The following SMOC2 variants were observed in gnomAD, a reference collection of about 807,000 sequenced individuals.
The protein encoded by SMOC2 is SPARC related modular calcium binding 2.
A neutral mutation model predicts 61.4 loss-of-function variants in SMOC2; 39 were observed. The ratio of observed to expected loss-of-function variants is 0.64; its 90% CI spans 0.49 to 0.83. The LOEUF (loss-of-function observed/expected upper bound fraction) is 0.83, where lower values mean the gene tolerates loss of function less well. Ranked by LOEUF, SMOC2 falls within the 40% of genes least tolerant of loss-of-function variation. The pLI, the probability that SMOC2 is intolerant of heterozygous loss-of-function variation, is 0.00. For missense variants in SMOC2, 556 were observed against 592.9 expected, an observed-to-expected ratio of 0.94 and a Z score of 0.65; for synonymous variants, 247 against 239.9, an observed-to-expected ratio of 1.03 and a Z score of -0.27.
At chr6:168,602,355 T>C (rs1476909679) in intron 8 of SMOC2, among the ~76,000 whole-genome samples, 4 of 152,220 alleles carry the variant, frequency 2.6e-5, no homozygotes, top group African/African-American at 9.6e-5. Flanking sequence ...TGCCGTCTTC[T>C]TCTTCCTGGT....
chr6:168,526,461 C>T lies in SMOC2; in HGVS notation c.363+9C>T, dbSNP rs763130799. The T allele has an allele frequency of 7.4e-6, 12 of 1,612,170 alleles. No homozygotes were observed. The highest frequency in any genetic ancestry group is 9.3e-6 in the Non-Finnish European group (11 of 1,178,450). On this transcript the variant is annotated intron_variant, in intron 3 of 12. Coordinates refer to ENST00000356284, the MANE Select transcript of SMOC2 (RefSeq NM_001166412.2). ...ACGGCACCTACAGTCAGGTTACCGGCCTTGCTTGGGAGGTTCTGCACCTGT... is the reference window on the plus strand; with the variant it reads ...ACGGCACCTACAGTCAGGTTACCGGTCTTGCTTGGGAGGTTCTGCACCTGT...
At chr6:168,540,277 C>T (rs1435120620) in intron 4 of SMOC2, among the ~76,000 whole-genome samples, 1 of 152,214 alleles carries the variant, frequency 6.6e-6, no homozygotes, top group Non-Finnish European at 1.5e-5. Context: ...CATTTGGTGC[C>T]CTCCTAGAGG....
intron 9 of SMOC2, among the ~76,000 whole-genome samples, chr6:168,633,483 C>G (rs567611969): frequency 2.6e-5 from 4 of 152,136 alleles, no homozygotes; most frequent in African/African-American, 4.8e-5. Context: ...AGGCCCTTGG[C>G]TCTCATGCAC....
Position 168,632,697 on chromosome 6 carries a change from G to A in SMOC2, c.908-17984G>A, listed in dbSNP as rs193233774. Among the ~76,000 whole-genome samples, 93 of 152,304 alleles carry A rather than the reference G, an allele frequency of 6.1e-4. No homozygotes were observed. In the Middle Eastern group the frequency reaches 0.01, roughly 17 times the overall value. On this transcript the variant is annotated intron_variant, in intron 9 of 12. Coordinates refer to ENST00000356284, the MANE Select transcript of SMOC2 (RefSeq NM_001166412.2). The stretch of plus-strand genomic sequence containing the variant: ...CTATCCTTGTGTTTATGCAATTTCT[G>A]TTTGATATACAGATGGTTAATGTCC...
At chr6:168,543,782 C>A in intron 5 of SMOC2, 110 bp downstream of exon 5, 1 of 1,007,396 alleles carries the variant, frequency 9.9e-7, no homozygotes, top group South Asian at 1.5e-5. Flanking sequence ...TGATGAGAGC[C>A]GAACCAGTTT....
chr6:168,505,574 C>T (rs955024663), intron 1 of SMOC2, among the ~76,000 whole-genome samples: 1 of 151,936 alleles, frequency 6.6e-6, no homozygotes, highest in African/African-American at 2.4e-5. Context: ...ATGGAATGTC[C>T]GTCTCTCAGA....
chr6:168,569,555 C>A (rs1204622817), intron 7 of SMOC2, among the ~76,000 whole-genome samples: 3 of 152,180 alleles, frequency 2.0e-5, no homozygotes, highest in African/African-American at 7.2e-5. Flanking sequence ...ATCATCCTGC[C>A]TCAGCCTCCT....
intron 9 of SMOC2, among the ~76,000 whole-genome samples, chr6:168,625,630 C>T (rs1472842873): frequency 2.0e-5 from 3 of 152,360 alleles, no homozygotes; most frequent in South Asian, 2.1e-4. Context: ...TTTGTGCACT[C>T]GCTCTCAGAA....
At chr6:168,449,113 C>T (rs1201633161) in intron 1 of SMOC2, among the ~76,000 whole-genome samples, 11 of 152,176 alleles carry the variant, frequency 7.2e-5, no homozygotes, top group Non-Finnish European at 1.5e-4. Flanking sequence ...GCAGACCTGC[C>T]TGTGGCTCCC....
chr6:168,517,636 A>G (rs1354713456), intron 2 of SMOC2, among the ~76,000 whole-genome samples: 3 of 152,096 alleles, frequency 2.0e-5, no homozygotes, highest in Non-Finnish European at 2.9e-5. Flanking sequence ...GGCTCCGTCC[A>G]CGCGCTCTGC....
chr6:168,465,475 A>G (rs1443021586), intron 1 of SMOC2, among the ~76,000 whole-genome samples: 2 of 152,128 alleles, frequency 1.3e-5, no homozygotes, highest in South Asian at 2.1e-4. Context: ...CCGGAAAAAA[A>G]AAAAAGAAAA....
chr6:168,522,831 T>C (rs1238143028), intron 2 of SMOC2, among the ~76,000 whole-genome samples: 2 of 152,090 alleles, frequency 1.3e-5, no homozygotes, highest in East Asian at 1.9e-4. Flanking sequence ...TGTGATTGCA[T>C]TGATAGGAAA....
At chr6:168,457,531 C>G (rs753124928) in intron 1 of SMOC2, among the ~76,000 whole-genome samples, 16 of 152,192 alleles carry the variant, frequency 1.1e-4, no homozygotes, top group Non-Finnish European at 1.9e-4. Context: ...TACACAGGAG[C>G]CTGCACCCAT....
intron 7 of SMOC2, among the ~76,000 whole-genome samples, chr6:168,576,473 C>A (rs1006678461): frequency 1.3e-5 from 2 of 152,098 alleles, no homozygotes; most frequent in African/African-American, 4.8e-5. Context: ...CCAGAGAACA[C>A]CTTAGCAGTC....
intron 6 of SMOC2, among the ~76,000 whole-genome samples, chr6:168,547,758 G>A (rs1231060084): frequency 7.2e-5 from 11 of 151,824 alleles, no homozygotes; most frequent in East Asian, 5.8e-4. Context: ...AAGCAGAAAC[G>A]GATTGTGTGT....
intron 9 of SMOC2, among the ~76,000 whole-genome samples, chr6:168,636,963 C>T (rs1786754677): frequency 7.4e-6 from 1 of 135,630 alleles, no homozygotes; most frequent in Non-Finnish European, 1.6e-5. Context: ...TCTTTCCTCC[C>T]TCCTCCCTCC....
chr6:168,547,046 C>T (rs1202749182), intron 5 of SMOC2, 73 bp from the exon 6 acceptor site: 6 of 1,577,716 alleles, frequency 3.8e-6, no homozygotes, highest in Non-Finnish European at 5.2e-6. Context: ...TCAGCATCCA[C>T]CCGTATGCAC....
chr6:168,618,477 TAGTGGCATTAGGAGAGTGGAGGAGAGGC>T (rs767440924), intron 9 of SMOC2, among the ~76,000 whole-genome samples: 2 of 125,208 alleles, frequency 1.6e-5, no homozygotes, highest in Non-Finnish European at 3.3e-5. Context: ...GAGAGGCGGG[TAGTGGCATTAGGAGAGTGGAGGAGAGGC>T]GGGTAGTGGC....
chr6:168,512,775 C>T (rs1168272627), intron 2 of SMOC2, among the ~76,000 whole-genome samples: 1 of 152,192 alleles, frequency 6.6e-6, no homozygotes, highest in African/African-American at 2.4e-5. Flanking sequence ...TGGAAAACCA[C>T]TTTCTATGGC....
Sources: gnomAD v4.1 joint callset for allele counts (sites outside exome capture counted in the v4.1 genomes callset) on GRCh38, gnomAD v4.1.1 for gene constraint, MANE v1.5 for transcripts, NCBI Gene and HGNC (gene_info 2026-07-23, HGNC 2026-07-21) for gene names.